The following PHACTR1 variants were observed in gnomAD, a reference collection of about 807,000 sequenced individuals.
The protein encoded by PHACTR1 is RPEL repeat containing 1.
PHACTR1 carries 16 observed loss-of-function variants against 69.2 expected under a neutral mutation model. The observed-to-expected ratio is 0.23, with a 90% CI of 0.16 to 0.35. The LOEUF (loss-of-function observed/expected upper bound fraction) is 0.35. PHACTR1 is among the 10% of genes least tolerant of loss of function. The pLI is 1.00. For synonymous variants in PHACTR1, 312 were observed against 284.5 expected (o/e 1.10, Z -0.97); for missense variants, 510 against 734.7 (o/e 0.69, Z 3.54).
intron 2 of PHACTR1, chr6:12,718,469 T>C: frequency 4.9e-6 from 1 of 205,052 alleles, no homozygotes; most frequent in East Asian, 1.1e-4. Flanking sequence ...GATCAGATCA[T>C]CTGTTTTTCC....
At chr6:13,177,379 C>CTATATA (rs879944972) in intron 6 of PHACTR1, among the ~76,000 whole-genome samples, 2 of 145,704 alleles carry the variant, frequency 1.4e-5, no homozygotes. Context: ...CTCTCTCTCT[C>CTATATA]TCTATATATA....
intron 5 of PHACTR1, among the ~76,000 whole-genome samples, chr6:13,135,534 A>T (rs1223407324): frequency 1.3e-5 from 2 of 152,226 alleles, no homozygotes; most frequent in Non-Finnish European, 2.9e-5. Flanking sequence ...AAGACTTTTC[A>T]TCTGGATACA....
intron 4 of PHACTR1, among the ~76,000 whole-genome samples, chr6:12,919,702 C>G (rs1787426067): frequency 6.6e-6 from 1 of 152,218 alleles, no homozygotes; most frequent in African/African-American, 2.4e-5. Context: ...ATTCCAAAGT[C>G]AAGTTAAGCC....
intron 4 of PHACTR1, among the ~76,000 whole-genome samples, chr6:12,811,601 T>C (rs946126136): frequency 2.6e-5 from 4 of 152,232 alleles, no homozygotes; most frequent in African/African-American, 9.7e-5. Flanking sequence ...GATTTATTTC[T>C]TACTTTCTAT....
At chr6:12,895,551 T>G (rs557634394) in intron 4 of PHACTR1, among the ~76,000 whole-genome samples, 1 of 152,322 alleles carries the variant, frequency 6.6e-6, no homozygotes, top group African/African-American at 2.4e-5. Context: ...TGAGTTTTAC[T>G]AGATAGTAAC....
At position 13,092,942 on chromosome 6, in the gene PHACTR1, G is replaced by C. The variant is rs1406455715; in HGVS notation, c.415+39413G>C. ...TATATTTTTGAAAGTTTTTATAATA[G>C]AAAATAGGCATCTAGAGGAGATTAT... On this transcript the variant is annotated intron_variant, in intron 5 of 14. Transcript: ENST00000332995. 4.6e-5 allele frequency among the ~76,000 whole-genome samples: 7 copies of C among 152,190 alleles called. No homozygotes were observed. The East Asian group carries it at 9.6e-4, about 21-fold the overall frequency.
intron 4 of PHACTR1, among the ~76,000 whole-genome samples, chr6:12,777,089 C>T (rs576085453): frequency 4.3e-4 from 66 of 152,126 alleles, no homozygotes; most frequent in Non-Finnish European, 8.1e-4. Flanking sequence ...TTTAATATAT[C>T]CGTGGATTGC....
chr6:13,154,720 G>A (rs1246612892), intron 5 of PHACTR1, among the ~76,000 whole-genome samples: 3 of 150,420 alleles, frequency 2.0e-5, no homozygotes, highest in Non-Finnish European at 2.9e-5. Flanking sequence ...TTCTCATTTA[G>A]CTGATTTATC....
intron 5 of PHACTR1, among the ~76,000 whole-genome samples, chr6:13,115,320 A>T (rs1303508759): frequency 1.3e-5 from 2 of 152,188 alleles, no homozygotes; most frequent in African/African-American, 4.8e-5. Context: ...CTACAGCTAC[A>T]CAGTACATTC....
At chr6:13,178,502 T>G (rs971563619) in intron 6 of PHACTR1, among the ~76,000 whole-genome samples, 1 of 152,274 alleles carries the variant, frequency 6.6e-6, no homozygotes, top group African/African-American at 2.4e-5. Flanking sequence ...GTGCACATTC[T>G]TGGGTCTCAC....
chr6:13,114,760 G>T (rs1347751151), intron 5 of PHACTR1, among the ~76,000 whole-genome samples: 1 of 152,136 alleles, frequency 6.6e-6, no homozygotes, highest in East Asian at 1.9e-4. Flanking sequence ...CACTACATGG[G>T]AGAGACCTGC....
At chr6:12,854,197 T>C (rs1213270269) in intron 4 of PHACTR1, among the ~76,000 whole-genome samples, 2 of 152,224 alleles carry the variant, frequency 1.3e-5, no homozygotes, top group Non-Finnish European at 2.9e-5. Flanking sequence ...AAAGTAGCAA[T>C]GTACTACTTT....
chr6:13,185,465 GAA>G (rs11290728), intron 7 of PHACTR1, among the ~76,000 whole-genome samples: 1,775 of 142,092 alleles, frequency 0.012, 11 homozygotes, highest in African/African-American at 0.022. Context: ...TTCTCTTAGG[GAA>G]AAAAAAAAAA....
rs530903982 is a variant in PHACTR1 at position 13,284,299 on chromosome 6, C to T, written c.1650+737C>T. On this transcript the variant is annotated intron_variant, in intron 13 of 14. Transcript: ENST00000332995. The stretch of plus-strand genomic sequence containing the variant: ...TTGGGAGGCCGAGGCGGGTAGATCA[C>T]TTGAGGTCAGGAGTTCAAGACCAGC... 2.6e-5 allele frequency among the ~76,000 whole-genome samples: 4 copies of T among 151,862 alleles called. No individual in the cohort carries two copies. The South Asian group carries it at 8.3e-4, about 31-fold the overall frequency.
chr6:13,037,984 G>A (rs1803569677), intron 4 of PHACTR1, among the ~76,000 whole-genome samples: 1 of 152,172 alleles, frequency 6.6e-6, no homozygotes, highest in African/African-American at 2.4e-5. Context: ...CACTGGCATT[G>A]CCATTACTGA....
At chr6:12,729,331 C>A (rs946016121) in intron 3 of PHACTR1, among the ~76,000 whole-genome samples, 1 of 152,194 alleles carries the variant, frequency 6.6e-6, no homozygotes, top group Admixed American at 6.5e-5. Context: ...GAAATCAGAG[C>A]AAACTCTACA....
chr6:13,040,681 T>C (rs764533693), intron 4 of PHACTR1, among the ~76,000 whole-genome samples: 14 of 151,918 alleles, frequency 9.2e-5, no homozygotes, highest in Non-Finnish European at 2.1e-4. Flanking sequence ...AAATCAAGAG[T>C]GTATACAGAC....
At chr6:13,141,746 TGTG>T (rs1372761555) in intron 5 of PHACTR1, among the ~76,000 whole-genome samples, 1 of 149,152 alleles carries the variant, frequency 6.7e-6, no homozygotes, top group East Asian at 2.0e-4. Context: ...TTTTTTTTGT[TGTG>T]CTTGTTTTTC....
intron 3 of PHACTR1, 119 bp downstream of exon 3, chr6:12,718,966 T>G (rs1437846393): frequency 2.0e-6 from 1 of 509,988 alleles, no homozygotes; most frequent in Non-Finnish European, 3.4e-6. Flanking sequence ...ATTTCTAAGT[T>G]GATAACCTCT....
Sources: gnomAD v4.1 joint callset for allele counts (sites outside exome capture counted in the v4.1 genomes callset) on GRCh38, gnomAD v4.1.1 for gene constraint, MANE v1.5 for transcripts, NCBI Gene and HGNC (gene_info 2026-07-23, HGNC 2026-07-21) for gene names.